Variants in MYO10 observed in about 807,000 individuals in gnomAD.
MYO10 encodes the protein myosin X.
A neutral mutation model predicts 257.3 loss-of-function variants in MYO10; 133 were observed. The ratio of observed to expected loss-of-function variants is 0.52; its 90% CI spans 0.45 to 0.60. MYO10 has a LOEUF of 0.60. Ranked by LOEUF, MYO10 falls within the 20% of genes least tolerant of loss-of-function variation. The probability of loss-of-function intolerance (pLI) is 0.00; values close to 1 mark genes in which losing one functional copy is unlikely to be tolerated. For synonymous variants in MYO10, 1,104 were observed against 1,028.6 expected (o/e 1.07, Z -1.40); for missense variants, 2,399 against 2,635.7 (o/e 0.91, Z 1.97).
Position 16,729,007 on chromosome 5 carries a change from G to A in MYO10, c.1930-17762C>T, listed in dbSNP as rs777439366. Among the ~76,000 whole-genome samples the A allele has an allele frequency of 4.6e-5, 7 of 152,158 alleles. No homozygotes were observed. In the South Asian group the frequency reaches 6.2e-4, roughly 14 times the overall value. On this transcript the variant is annotated intron_variant, in intron 19 of 40. Transcript: ENST00000513610. ...TTAAGCACAGCGTGGAAGGGGACCC[G>A]AGTGGGTTGCCGATTTTTACTGTAT...
chr5:16,765,089 G>GC (rs1367003275), intron 11 of MYO10, among the ~76,000 whole-genome samples: 1 of 152,048 alleles, frequency 6.6e-6, no homozygotes, highest in Non-Finnish European at 1.5e-5. Flanking sequence ...AATATGGTCA[G>GC]CATTTTCATT....
At chr5:16,685,897 T>C (rs1737233694) in intron 28 of MYO10, 66 bp from the exon 29 acceptor site, 1 of 1,210,754 alleles carries the variant, frequency 8.3e-7, no homozygotes, top group East Asian at 2.5e-5. Context: ...AATAGTGCCC[T>C]ACTGCACGTG....
intron 25 of MYO10, among the ~76,000 whole-genome samples, chr5:16,699,891 C>T (rs908571281): frequency 2.0e-5 from 3 of 151,152 alleles, no homozygotes; most frequent in African/African-American, 7.3e-5. Context: ...ATTAAAAATA[C>T]CAACTTTTAA....
rs1736137411 is a variant in MYO10 at position 16,665,756 on chromosome 5, C to T, written c.*936G>A. 6.6e-6 allele frequency: 1 copy of T among 152,604 alleles called. No homozygotes were observed. Among genetic ancestry groups the T allele is most frequent in the African/African-American group, 2.4e-5 (1 of 41,450 alleles). 9.5% of individuals were successfully genotyped at this position (152,604 alleles called of 1,614,324 possible). ...TGAAAGACTCCAAAATGACTTCATT[C>T]TTGTTCTAAAACCAGCACTGGAGCC... On this transcript the variant is annotated 3_prime_UTR_variant, in exon 41 of 41. Coordinates refer to ENST00000513610, the MANE Select transcript of MYO10 (RefSeq NM_012334.3).
Position 16,771,116 on chromosome 5 carries a change from G to A in MYO10, c.931-1913C>T, listed in dbSNP as rs189264485. ...AAAGCAATAATGGCAGGAAAGAAAAGGCAAACAATGGAGAGGGAAAGAATT... is the reference window on the plus strand; with the variant it reads ...AAAGCAATAATGGCAGGAAAGAAAAAGCAAACAATGGAGAGGGAAAGAATT... On this transcript the variant is annotated intron_variant, in intron 9 of 40. Coordinates refer to ENST00000513610, the MANE Select transcript of MYO10 (RefSeq NM_012334.3). Among the ~76,000 whole-genome samples, 55 of 152,226 alleles carry A rather than the reference G, an allele frequency of 3.6e-4. 2 individuals are homozygous for A. In the East Asian group the frequency reaches 9.9e-3, roughly 27 times the overall value.
At chr5:16,898,148 AG>A (rs1745265598) in intron 1 of MYO10, among the ~76,000 whole-genome samples, 1 of 152,162 alleles carries the variant, frequency 6.6e-6, no homozygotes, top group South Asian at 2.1e-4. Context: ...ACAGGGCCCC[AG>A]GGATAAAGCT....
chr5:16,727,003 GACAA>G (rs1172737961), intron 19 of MYO10, among the ~76,000 whole-genome samples: 1 of 152,210 alleles, frequency 6.6e-6, no homozygotes, highest in African/African-American at 2.4e-5. Context: ...ATAAAAGCTA[GACAA>G]ACAGGGTGCT....
At chr5:16,736,957 C>T (rs920118069) in intron 19 of MYO10, among the ~76,000 whole-genome samples, 6 of 152,072 alleles carry the variant, frequency 3.9e-5, no homozygotes, top group Non-Finnish European at 8.8e-5. Context: ...TAAGAAAACA[C>T]GACCAAAGTA....
chr5:16,871,921 C>T (rs544795943), intron 2 of MYO10, among the ~76,000 whole-genome samples: 1 of 152,294 alleles, frequency 6.6e-6, no homozygotes, highest in African/African-American at 2.4e-5. Context: ...GAGTGGACAA[C>T]ATAAAACTAA....
At chr5:16,839,596 A>T (rs770370787) in intron 2 of MYO10, among the ~76,000 whole-genome samples, 1 of 152,060 alleles carries the variant, frequency 6.6e-6, no homozygotes, top group Non-Finnish European at 1.5e-5. Flanking sequence ...TACAAAAATT[A>T]GCCAGGCACG....
intron 28 of MYO10, among the ~76,000 whole-genome samples, chr5:16,687,906 C>T (rs1246770521): frequency 1.3e-5 from 2 of 152,196 alleles, no homozygotes; most frequent in African/African-American, 4.8e-5. Flanking sequence ...GTTGCACTTT[C>T]AATTCTGTCT....
At chr5:16,830,697 A>T (rs11740445) in intron 2 of MYO10, among the ~76,000 whole-genome samples, 1 of 53,918 alleles carries the variant, frequency 1.9e-5, no homozygotes, top group African/African-American at 5.1e-5. Flanking sequence ...ACACACACAC[A>T]CACAGGGCGA....
chr5:16,681,419 G>A lies in MYO10; in HGVS notation c.4274C>T (p.Ser1425Phe). The A allele has an allele frequency of 6.2e-7, 1 of 1,613,966 alleles. No homozygotes were observed. The highest frequency in any genetic ancestry group is 8.5e-7 in the Non-Finnish European group (1 of 1,179,870). The change falls in exon 32 of 41, where the codon TCC (serine) becomes TTC (phenylalanine). Residue 1425 changes from serine (S) to phenylalanine (F), a missense_variant. Transcript: ENST00000513610. ...CTCTGAACTCTTGTAGTAATCCAGG[G>A]AATTGTGGGTGAGTACAAACCACCG... ...KKRWFVLTHN[S>F]LDYYKSSEKN...
rs188316666 is a variant in MYO10, at chr5:16,828,447, C to T, written c.121-10280G>A. ...CCAACATGGTGAAACCACCACCCCC[C>T]GTCTCTACTAAAAATAACAAAAGTT... On this transcript the variant is annotated intron_variant, in intron 2 of 40. Coordinates refer to ENST00000513610, the MANE Select transcript of MYO10 (RefSeq NM_012334.3). Among the ~76,000 whole-genome samples the T allele has an allele frequency of 9.2e-5, 14 of 152,068 alleles. No homozygotes were observed. In the South Asian group the frequency reaches 1.2e-3, roughly 14 times the overall value.
At chr5:16,807,715 C>A (rs949325729) in intron 3 of MYO10, among the ~76,000 whole-genome samples, 3 of 152,120 alleles carry the variant, frequency 2.0e-5, no homozygotes, top group African/African-American at 7.2e-5. Context: ...GCTGCCAGGA[C>A]AGCTATCCTC....
intron 1 of MYO10, among the ~76,000 whole-genome samples, chr5:16,889,434 GAAGGA>G (rs959555314): frequency 7.3e-5 from 11 of 150,484 alleles, no homozygotes; most frequent in South Asian, 2.1e-4. Context: ...CAGAAAGAAG[GAAGGA>G]AAGGAAAGGA....
intron 2 of MYO10, among the ~76,000 whole-genome samples, chr5:16,820,203 G>GA (rs1372050589): frequency 6.6e-6 from 1 of 152,254 alleles, no homozygotes; most frequent in African/African-American, 2.4e-5. Context: ...TTAAGAAACA[G>GA]AAACTTAGGC....
chr5:16,780,789 T>G, intron 6 of MYO10, 48 bp from the exon 7 acceptor site: 1 of 1,529,124 alleles, frequency 6.5e-7, no homozygotes, highest in Non-Finnish European at 8.9e-7. Context: ...CAAAGCTATG[T>G]GCCATGCTCA....
intron 21 of MYO10, among the ~76,000 whole-genome samples, chr5:16,709,981 T>G (rs1403663169): frequency 6.6e-6 from 1 of 152,352 alleles, no homozygotes; most frequent in South Asian, 2.1e-4. Context: ...TTGGTCAAAC[T>G]GCAAGACATA....
Sources: allele counts gnomAD v4.1 joint callset (sites outside exome capture counted in the v4.1 genomes callset), GRCh38; gene constraint gnomAD v4.1.1; transcripts MANE v1.5; gene names NCBI Gene and HGNC (gene_info 2026-07-23, HGNC 2026-07-21).